The following NUMB variants were observed in gnomAD, a reference collection of about 807,000 sequenced individuals.
NUMB encodes the protein protein numb homolog.
Under a neutral mutation model 59.7 loss-of-function variants are expected in NUMB, and 29 were observed. The observed-to-expected ratio is 0.49, with a 90% CI of 0.36 to 0.66. The LOEUF (loss-of-function observed/expected upper bound fraction) is 0.66, where lower values mean the gene tolerates loss of function less well. NUMB is among the 30% of genes least tolerant of loss of function. The pLI is 0.00. For missense variants in NUMB, 723 were observed against 822.0 expected, an observed-to-expected ratio of 0.88 and a Z score of 1.47; for synonymous variants, 288 against 288.2, an observed-to-expected ratio of 1.00 and a Z score of 0.01.
chr14:73,369,820 C>T (rs1311141416), intron 2 of NUMB, among the ~76,000 whole-genome samples: 1 of 152,070 alleles, frequency 6.6e-6, no homozygotes, highest in South Asian at 2.1e-4. Context: ...TAATTAGAAT[C>T]CAGATCAAAA....
At chr14:73,381,273 T>C (rs565602519) in intron 2 of NUMB, among the ~76,000 whole-genome samples, 1 of 151,742 alleles carries the variant, frequency 6.6e-6, no homozygotes, top group Non-Finnish European at 1.5e-5. Flanking sequence ...AATAACTAGA[T>C]AAATCTCTCT....
At chr14:73,453,610 CTTTTTT>C (rs542857391) in intron 1 of NUMB, among the ~76,000 whole-genome samples, 1 of 137,318 alleles carries the variant, frequency 7.3e-6, no homozygotes, top group Non-Finnish European at 1.6e-5. Context: ...ACAAATTTTC[CTTTTTT>C]TTTTTTTTCA....
intron 1 of NUMB, among the ~76,000 whole-genome samples, chr14:73,429,221 A>C (rs925784766): frequency 4.6e-5 from 7 of 151,936 alleles, no homozygotes; most frequent in African/African-American, 1.7e-4. Context: ...AATACAAAAA[A>C]ATTAGCCGGG....
intron 4 of NUMB, among the ~76,000 whole-genome samples, chr14:73,350,320 T>C (rs1264286930): frequency 6.6e-6 from 1 of 151,442 alleles, no homozygotes; most frequent in South Asian, 2.1e-4. Context: ...GTTACAGGCA[T>C]GTACACCATG....
intron 2 of NUMB, among the ~76,000 whole-genome samples, chr14:73,370,173 C>A (rs866411126): frequency 6.6e-6 from 1 of 151,918 alleles, no homozygotes; most frequent in African/African-American, 2.4e-5. Flanking sequence ...AGGGCTCTGC[C>A]CACATGAGTA....
chr14:73,364,222 C>A (rs1419383111), intron 3 of NUMB, among the ~76,000 whole-genome samples: 2 of 152,104 alleles, frequency 1.3e-5, no homozygotes, highest in Non-Finnish European at 2.9e-5. Flanking sequence ...TATAGCAGGC[C>A]AGGCATGGTG....
intron 6 of NUMB, among the ~76,000 whole-genome samples, chr14:73,312,488 C>CAG (rs756044276): frequency 3.3e-5 from 5 of 152,046 alleles, no homozygotes; most frequent in Non-Finnish European, 5.9e-5. Flanking sequence ...GTGAGGTGGG[C>CAG]AGATCACTTG....
intron 3 of NUMB, among the ~76,000 whole-genome samples, chr14:73,365,771 T>C (rs1453088627): frequency 6.6e-6 from 1 of 152,192 alleles, no homozygotes; most frequent in Non-Finnish European, 1.5e-5. Context: ...TATTAGTAAA[T>C]AATCATAGAT....
At chr14:73,414,478 C>T (rs1437359427) in intron 1 of NUMB, among the ~76,000 whole-genome samples, 1 of 152,144 alleles carries the variant, frequency 6.6e-6, no homozygotes, top group Non-Finnish European at 1.5e-5. Flanking sequence ...ACTGCAACCT[C>T]CGCTTCCTGG....
chr14:73,328,820 T>G (rs1243434030), intron 4 of NUMB, among the ~76,000 whole-genome samples: 1 of 152,242 alleles, frequency 6.6e-6, no homozygotes, highest in Non-Finnish European at 1.5e-5. Context: ...TCAAGCCTTT[T>G]GTAGACATGT....
At chr14:73,393,093 G>A (rs1382707804) in intron 2 of NUMB, among the ~76,000 whole-genome samples, 1 of 152,210 alleles carries the variant, frequency 6.6e-6, no homozygotes, top group Non-Finnish European at 1.5e-5. Flanking sequence ...CATATTAAAA[G>A]AAGTTGAGAA....
rs974704265 is a variant in NUMB at position 73,433,726 on chromosome 14, C to T, written c.-232-23658G>A. ...GATAAAAATCTCCTTTGATAAATCA[C>T]CCCTGAAATATATGACAGGAGTATA... On this transcript the variant is annotated intron_variant, in intron 1 of 12. Transcript: ENST00000555238. Among the ~76,000 whole-genome samples the T allele has an allele frequency of 9.2e-5, 14 of 152,278 alleles. 1 individual carries two copies. The highest frequency in any genetic ancestry group is 2.1e-4 in the Non-Finnish European group (14 of 68,032).
intron 2 of NUMB, among the ~76,000 whole-genome samples, chr14:73,372,684 A>G (rs2140060006): frequency 6.6e-6 from 1 of 152,030 alleles, no homozygotes; most frequent in South Asian, 2.1e-4. Flanking sequence ...CCTAGAACTG[A>G]CAAAAAACAG....
At chr14:73,349,394 C>G (rs1364060417) in intron 4 of NUMB, among the ~76,000 whole-genome samples, 1 of 151,880 alleles carries the variant, frequency 6.6e-6, no homozygotes, top group Non-Finnish European at 1.5e-5. Context: ...TCATGACCAG[C>G]CTGGCCAACA....
At chr14:73,375,172 G>C (rs765202164) in intron 2 of NUMB, among the ~76,000 whole-genome samples, 3 of 152,068 alleles carry the variant, frequency 2.0e-5, no homozygotes, top group Non-Finnish European at 4.4e-5. Flanking sequence ...AAGATATCTA[G>C]TCTTTCTTAG....
rs1391209382 is a variant in NUMB at position 73,376,991 on chromosome 14, T to C, written c.-100-10010A>G. ...GACAGTCTTTTTCAACAAATGGTGC[T>C]GTAGTAACTGGACACCCAAATGAAA... On this transcript the variant is annotated intron_variant, in intron 2 of 12. Coordinates refer to ENST00000555238, the MANE Select transcript of NUMB (RefSeq NM_001005743.2). Among the ~76,000 whole-genome samples, 5 of 152,292 alleles carry C rather than the reference T, an allele frequency of 3.3e-5. No individual in the cohort carries two copies. In the East Asian group the frequency reaches 9.6e-4, roughly 29 times the overall value.
Position 73,405,405 on chromosome 14 carries a change from G to A in NUMB, c.-101+4532C>T, listed in dbSNP as rs531577786. On this transcript the variant is annotated intron_variant, in intron 2 of 12. Transcript: ENST00000555238. ...AACTCCTACAGCTCAGAGAAGATGA[G>A]GGAAATCCTTTAGGTATTTTTTTCT... 7.0e-4 allele frequency among the ~76,000 whole-genome samples: 106 copies of A among 151,450 alleles called. 1 individual carries two copies. The highest frequency in any genetic ancestry group is 2.4e-3 in the African/African-American group (101 of 41,318).
chr14:73,301,632 G>A lies in NUMB; in HGVS notation c.235-4347C>T, dbSNP rs140851120. Among the ~76,000 whole-genome samples, 6 of 152,212 alleles carry A rather than the reference G, an allele frequency of 3.9e-5. No individual in the cohort carries two copies. In the East Asian group the frequency reaches 1.2e-3, roughly 29 times the overall value. On this transcript the variant is annotated intron_variant, in intron 6 of 12. Coordinates refer to ENST00000555238, the MANE Select transcript of NUMB (RefSeq NM_001005743.2). ...TTTAAACAATTTTTTGTAGAGACAG[G>A]GTCTTGCCCTGCTGCCTAGGCTGGA...
At chr14:73,376,032 T>C (rs1436191558) in intron 2 of NUMB, among the ~76,000 whole-genome samples, 2 of 152,200 alleles carry the variant, frequency 1.3e-5, no homozygotes, top group Non-Finnish European at 1.5e-5. Flanking sequence ...ATCATTCCTT[T>C]TCAACGTCAT....
Sources: gnomAD v4.1 joint callset for allele counts (sites outside exome capture counted in the v4.1 genomes callset) on GRCh38, gnomAD v4.1.1 for gene constraint, MANE v1.5 for transcripts, NCBI Gene and HGNC (gene_info 2026-07-23, HGNC 2026-07-21) for gene names.